STK33: variants seen among roughly 807,000 people sequenced by gnomAD.
STK33 encodes serine/threonine-protein kinase 33.
Under a neutral mutation model 58.0 loss-of-function variants are expected in STK33, and 52 were observed. The ratio of observed to expected loss-of-function variants is 0.90; its 90% CI spans 0.72 to 1.13. STK33 has a LOEUF of 1.13. Ranked by LOEUF, STK33 falls within the 50% of genes most tolerant of loss-of-function variation. STK33 has a pLI of 0.00. For synonymous variants in STK33, 215 were observed against 200.1 expected (o/e 1.07, Z -0.63); for missense variants, 630 against 604.2 (o/e 1.04, Z -0.45).
the STK33 span, among the ~76,000 whole-genome samples, chr11:8,367,556 G>A: frequency 6.6e-6 from 1 of 152,178 alleles, no homozygotes; most frequent in South Asian, 2.1e-4. Flanking sequence ...TGAAGAATGA[G>A]TAGCAACTCA....
rs111585070 is a variant in STK33 at position 8,562,597 on chromosome 11, T to C, written c.-466+31486A>G. 1.7e-3 allele frequency among the ~76,000 whole-genome samples: 262 copies of C among 152,290 alleles called. 2 individuals carry two copies. Among genetic ancestry groups the C allele is most frequent in the African/African-American group, 6.0e-3 (248 of 41,566 alleles). On this transcript the variant is annotated intron_variant, in intron 1 of 15. Transcript: ENST00000687296. ...TAGTCCATAGCTAGGAACTGAGCCA[T>C]TTCCTAGTTTCACAGATTTTTTTTT...
intron 1 of STK33, among the ~76,000 whole-genome samples, chr11:8,542,319 G>C (rs1955583726): frequency 6.6e-6 from 1 of 152,172 alleles, no homozygotes. Flanking sequence ...AATACTGACA[G>C]ACAAAAATCA....
intron 10 of STK33, among the ~76,000 whole-genome samples, chr11:8,453,845 A>G (rs1399533065): frequency 1.3e-5 from 2 of 152,238 alleles, no homozygotes; most frequent in African/African-American, 4.8e-5. Context: ...AGTTTTCACA[A>G]ACATCTCACT....
At chr11:8,451,422 T>C (rs1446347877) in intron 11 of STK33, among the ~76,000 whole-genome samples, 1 of 152,118 alleles carries the variant, frequency 6.6e-6, no homozygotes, top group Non-Finnish European at 1.5e-5. Flanking sequence ...AGACTACAGA[T>C]ACATGCTACA....
At chr11:8,560,230 GAT>G (rs1957029633) in intron 1 of STK33, among the ~76,000 whole-genome samples, 1 of 152,058 alleles carries the variant, frequency 6.6e-6, no homozygotes. Context: ...CTCAAGAAAG[GAT>G]ATGAGAGTGC....
intron 1 of STK33, chr11:8,567,252 T>A (rs565363925): frequency 6.6e-6 from 1 of 152,348 alleles, no homozygotes; most frequent in Admixed American, 6.5e-5. Context: ...AGAGCTCACC[T>A]CTGCCACTTT....
chr11:8,482,390 A>T (rs1484500569), intron 1 of STK33, among the ~76,000 whole-genome samples: 1 of 152,240 alleles, frequency 6.6e-6, no homozygotes, highest in African/African-American at 2.4e-5. Context: ...AGAACAGGCC[A>T]AATGAGAATC....
chr11:8,540,107 C>T (rs531494621), intron 1 of STK33, among the ~76,000 whole-genome samples: 1 of 152,224 alleles, frequency 6.6e-6, no homozygotes, highest in East Asian at 1.9e-4. Context: ...AATATATATG[C>T]ACTCCCATGT....
intron 1 of STK33, among the ~76,000 whole-genome samples, chr11:8,502,813 G>A (rs571641999): frequency 1.2e-4 from 19 of 152,164 alleles, no homozygotes; most frequent in African/African-American, 4.1e-4. Flanking sequence ...TTAAAAAGTG[G>A]GCAAAGGACA....
the STK33 span, among the ~76,000 whole-genome samples, chr11:8,384,309 C>T: frequency 6.2e-4 from 94 of 152,294 alleles, no homozygotes; most frequent in Non-Finnish European, 9.8e-4. Context: ...CTGTCACGTC[C>T]GGATAAGGGC....
At chr11:8,399,144 C>T (rs1019026166) in intron 15 of STK33, among the ~76,000 whole-genome samples, 11 of 152,164 alleles carry the variant, frequency 7.2e-5, no homozygotes, top group Non-Finnish European at 1.0e-4. Context: ...AACTTTCCAC[C>T]CCAAATCAAC....
chr11:8,502,309 T>C (rs1056240304), intron 1 of STK33, among the ~76,000 whole-genome samples: 2 of 152,012 alleles, frequency 1.3e-5, no homozygotes. Context: ...TGGAACAGAA[T>C]AGAGGGCCCA....
chr11:8,513,087 T>C (rs1413899159), intron 1 of STK33, among the ~76,000 whole-genome samples: 3 of 152,224 alleles, frequency 2.0e-5, no homozygotes, highest in Non-Finnish European at 2.9e-5. Context: ...TGAATAATGA[T>C]GCATATAAGT....
chr11:8,593,115 T>C (rs1195597217), intron 1 of STK33, among the ~76,000 whole-genome samples: 2 of 152,160 alleles, frequency 1.3e-5, no homozygotes, highest in African/African-American at 4.8e-5. Context: ...ATTTGCAAAC[T>C]AGAGGTTGGT....
chr11:8,394,478 T>C (rs551065103), intron 15 of STK33, among the ~76,000 whole-genome samples: 2 of 152,330 alleles, frequency 1.3e-5, no homozygotes, highest in East Asian at 3.9e-4. Context: ...ACTAATATTC[T>C]ATCGAGCAGG....
At chr11:8,445,497 T>TATG (rs1252486617) in intron 11 of STK33, among the ~76,000 whole-genome samples, 1 of 152,240 alleles carries the variant, frequency 6.6e-6, no homozygotes, top group Non-Finnish European at 1.5e-5. Flanking sequence ...GCCCATTCAG[T>TATG]ATGATATTCG....
chr11:8,444,033 A>C (rs546545953), intron 11 of STK33, among the ~76,000 whole-genome samples: 2 of 152,270 alleles, frequency 1.3e-5, no homozygotes, highest in African/African-American at 4.8e-5. Flanking sequence ...ATTAACAAAC[A>C]AACCAAAATA....
chr11:8,455,485 T>C (rs765234962), intron 9 of STK33, among the ~76,000 whole-genome samples: 1 of 152,176 alleles, frequency 6.6e-6, no homozygotes, highest in Non-Finnish European at 1.5e-5. Context: ...ATTCAGTTCA[T>C]ATCCATTGCA....
chr11:8,430,011 G>T (rs920508284), intron 14 of STK33, among the ~76,000 whole-genome samples: 8 of 152,158 alleles, frequency 5.3e-5, no homozygotes, highest in African/African-American at 1.9e-4. Context: ...AACGCTCCAA[G>T]GGTGAGAGGG....
Sources: allele counts gnomAD v4.1 joint callset (sites outside exome capture counted in the v4.1 genomes callset), GRCh38; gene constraint gnomAD v4.1.1; transcripts MANE v1.5; gene names NCBI Gene and HGNC (gene_info 2026-07-23, HGNC 2026-07-21).